ESRRB: variants seen among roughly 807,000 people sequenced by gnomAD.
The protein encoded by ESRRB is steroid hormone receptor ERR2.
Under a neutral mutation model 46.0 loss-of-function variants are expected in ESRRB, and 16 were observed. The ratio of observed to expected loss-of-function variants is 0.35; its 90% CI spans 0.24 to 0.53. ESRRB has a LOEUF of 0.53. Ranked by LOEUF, ESRRB falls within the 20% of genes least tolerant of loss-of-function variation. The pLI is 0.93. For missense variants in ESRRB, 488 were observed against 607.4 expected, an observed-to-expected ratio of 0.80 and a Z score of 2.07; for synonymous variants, 246 against 259.6, an observed-to-expected ratio of 0.95 and a Z score of 0.50.
upstream of ESRRB, among the ~76,000 whole-genome samples, chr14:76,369,336 A>G (rs1462322998): frequency 6.7e-6 from 1 of 149,532 alleles, no homozygotes; most frequent in East Asian, 2.0e-4. Context: ...GTGCAGTGGC[A>G]TGATCTTGGC....
rs1341799461 is a variant in ESRRB at position 76,498,777 on chromosome 14, C to A, written c.*319C>A. 2 of 672,570 alleles carry A rather than the reference C, an allele frequency of 3.0e-6. No homozygotes were observed. The highest frequency in any genetic ancestry group is 3.6e-5 in the African/African-American group (2 of 55,742). The allele number at this position is 672,570 out of a possible 1,614,324, so 41.7% of individuals were successfully genotyped here. Reference sequence around the variant, plus strand: ...GGAGTGGAGGCCACTGGAGCAAGTGCCCTCTCCCCTCCACCGAGCCACCAA... The same window carrying A: ...GGAGTGGAGGCCACTGGAGCAAGTGACCTCTCCCCTCCACCGAGCCACCAA... On this transcript the variant is annotated 3_prime_UTR_variant, in exon 7 of 7. Transcript: ENST00000644823.
intron 1 of ESRRB, among the ~76,000 whole-genome samples, chr14:76,378,467 C>T (rs761387277): frequency 2.0e-5 from 3 of 151,930 alleles, no homozygotes; most frequent in Non-Finnish European, 2.9e-5. Context: ...CTAAGCCTGA[C>T]AGAGGTTTAG....
intron 3 of ESRRB, among the ~76,000 whole-genome samples, chr14:76,469,929 G>GTTTTTGTTTTTTTTTT (rs1889294942): frequency 1.3e-5 from 1 of 78,754 alleles, no homozygotes; most frequent in African/African-American, 4.0e-5. Context: ...GTTTTTTGTT[G>GTTTTTGTTTTTTTTTT]TTTTTTTTTT....
intron 1 of ESRRB, among the ~76,000 whole-genome samples, chr14:76,316,758 A>T (rs998273432): frequency 1.3e-5 from 2 of 152,014 alleles, no homozygotes; most frequent in Admixed American, 6.5e-5. Flanking sequence ...GGAAAAAAAA[A>T]TGAGATGAGT....
At chr14:76,398,700 T>C (rs1885805410) in intron 1 of ESRRB, among the ~76,000 whole-genome samples, 1 of 152,254 alleles carries the variant, frequency 6.6e-6, no homozygotes, top group South Asian at 2.1e-4. Context: ...GGGTCAACCA[T>C]TCCAGTTCCC....
intron 1 of ESRRB, among the ~76,000 whole-genome samples, chr14:76,357,723 C>G (rs1444695249): frequency 6.6e-6 from 1 of 152,112 alleles, no homozygotes; most frequent in Non-Finnish European, 1.5e-5. Flanking sequence ...GCTACATTGC[C>G]CAGGTCGGTC....
intron 1 of ESRRB, among the ~76,000 whole-genome samples, chr14:76,437,889 G>A (rs754636377): frequency 6.6e-6 from 1 of 152,214 alleles, no homozygotes; most frequent in South Asian, 2.1e-4. Context: ...AGCATGGCCG[G>A]GGTGGAGGGG....
intron 5 of ESRRB, among the ~76,000 whole-genome samples, chr14:76,483,857 G>A (rs750357423): frequency 6.6e-6 from 1 of 152,058 alleles, no homozygotes; most frequent in Non-Finnish European, 1.5e-5. Flanking sequence ...ACAGTTGTTT[G>A]TTTGTTTGTT....
At chr14:76,405,928 G>A (rs1886167588) in intron 1 of ESRRB, among the ~76,000 whole-genome samples, 1 of 151,970 alleles carries the variant, frequency 6.6e-6, no homozygotes, top group Non-Finnish European at 1.5e-5. Context: ...CAGAAAAAGG[G>A]AAAGAAAATC....
At chr14:76,400,213 C>G (rs1477873658) in intron 1 of ESRRB, among the ~76,000 whole-genome samples, 1 of 152,214 alleles carries the variant, frequency 6.6e-6, no homozygotes, top group Non-Finnish European at 1.5e-5. Flanking sequence ...ACTTCGTGTA[C>G]TGCCGTCCTT....
intron 1 of ESRRB, among the ~76,000 whole-genome samples, chr14:76,337,873 A>G (rs756298351): frequency 9.9e-5 from 15 of 152,188 alleles, no homozygotes; most frequent in Non-Finnish European, 1.5e-4. Flanking sequence ...TTGTGTGGAC[A>G]CAAGCTCCGG....
chr14:76,458,212 T>G (rs1268969462), intron 2 of ESRRB, among the ~76,000 whole-genome samples: 1 of 152,060 alleles, frequency 6.6e-6, no homozygotes, highest in African/African-American at 2.4e-5. Flanking sequence ...GTGTGTGTGC[T>G]GCCAATGTCC....
In ESRRB at chr14:76,491,479, A is replaced by G. The variant is rs1427881135; in HGVS notation, c.883A>G (p.Ser295Gly). 1 of 1,607,014 alleles carries G rather than the reference A, an allele frequency of 6.2e-7. No individual in the cohort carries two copies. ...AAGCCTCTCCCTGGGGGACCAGATG[A>G]GCCTGCTGCAGAGTGCCTGGATGGA... Reference protein sequence around the residue: ...FSSLSLGDQMSLLQSAWMEIL... With the variant: ...FSSLSLGDQMGLLQSAWMEIL... Residue 295 changes from serine (S) to glycine (G), a missense_variant, in exon 6 of 7, where the codon AGC (serine) becomes GGC (glycine). By Grantham distance (56) the Ser-to-Gly change is moderately conservative. Coordinates refer to ENST00000644823, the MANE Select transcript of ESRRB (RefSeq NM_001379180.1).
intron 3 of ESRRB, among the ~76,000 whole-genome samples, chr14:76,464,680 C>T (rs558745881): frequency 1.3e-5 from 2 of 152,248 alleles, no homozygotes; most frequent in South Asian, 2.1e-4. Context: ...ACATCGAGCC[C>T]GCAGAAAGGC....
chr14:76,359,491 T>C (rs1031641905), intron 1 of ESRRB, among the ~76,000 whole-genome samples: 1 of 152,218 alleles, frequency 6.6e-6, no homozygotes, highest in Non-Finnish European at 1.5e-5. Flanking sequence ...AGAAGCACCC[T>C]ATTAGGTCAG....
chr14:76,466,884 C>A (rs1264747728), intron 3 of ESRRB, among the ~76,000 whole-genome samples: 1 of 152,008 alleles, frequency 6.6e-6, no homozygotes, highest in Non-Finnish European at 1.5e-5. Flanking sequence ...ACACCACGCC[C>A]AGCTAATTTT....
chr14:76,482,733 T>C lies in ESRRB; in HGVS notation c.824T>C (p.Ile275Thr), dbSNP rs771344879. ...CDLADRELVV[I>T]IGWAKHIPGF... ...CTGGCAGACCGAGAGCTTGTGGTCATCATTGGCTGGGCCAAGCACATCCCA... is the reference window on the plus strand; with the variant it reads ...CTGGCAGACCGAGAGCTTGTGGTCACCATTGGCTGGGCCAAGCACATCCCA... The change falls in exon 5 of 7, where the codon ATC becomes ACC. Residue 275 changes from isoleucine (I) to threonine (T), a missense_variant. By Grantham distance (89) the Ile-to-Thr change is moderately conservative. Transcript: ENST00000644823. This position sits in a 1 kb window ranked among gnomAD's most constrained non-coding sequence, Gnocchi z 4.3. 5 of 1,614,118 alleles carry C rather than the reference T, an allele frequency of 3.1e-6. No individual in the cohort carries two copies. Among genetic ancestry groups the C allele is most frequent in the Non-Finnish European group, 4.2e-6 (5 of 1,180,030 alleles).
chr14:76,347,037 T>C (rs756107394), intron 1 of ESRRB, among the ~76,000 whole-genome samples: 3 of 152,126 alleles, frequency 2.0e-5, no homozygotes. Context: ...GATGCCACTA[T>C]GGGGGCTGTA....
In ESRRB at chr14:76,498,161, A is replaced by G. The variant is rs1890503547; in HGVS notation, c.1121-53A>G. On this transcript the variant is annotated intron_variant, in intron 6 of 6. Coordinates refer to ENST00000644823, the MANE Select transcript of ESRRB (RefSeq NM_001379180.1). ...TCCTGGACCCCAAGATGGCCCCCAC[A>G]CCAGGCAGCACTCCCTGGCCAAGCC... 3 of 1,611,080 alleles carry G rather than the reference A, an allele frequency of 1.9e-6. No individual in the cohort carries two copies. The East Asian group carries it at 6.7e-5, about 36-fold the overall frequency.
Sources: allele counts gnomAD v4.1 joint callset (sites outside exome capture counted in the v4.1 genomes callset), GRCh38; gene constraint gnomAD v4.1.1; non-coding constraint Gnocchi (gnomAD v3.1); transcripts MANE v1.5; gene names NCBI Gene and HGNC (gene_info 2026-07-23, HGNC 2026-07-21).